ZNF567: variants seen among roughly 807,000 people sequenced by gnomAD.
ZNF567 encodes zinc finger protein 567.
ZNF567 carries 36 observed loss-of-function variants against 53.9 expected under a neutral mutation model. The observed-to-expected ratio is 0.67, with a 90% CI of 0.51 to 0.88. The LOEUF (loss-of-function observed/expected upper bound fraction) is 0.88, where lower values mean the gene tolerates loss of function less well. Ranked by LOEUF, ZNF567 falls within the 40% of genes least tolerant of loss-of-function variation. The pLI is 0.00. For synonymous variants in ZNF567, 224 were observed against 260.4 expected, an observed-to-expected ratio of 0.86 and a Z score of 1.35; for missense variants, 619 against 764.7, an observed-to-expected ratio of 0.81 and a Z score of 2.25.
chr19:36,707,953 T>C (rs1020841953), intron 3 of ZNF567, among the ~76,000 whole-genome samples: 2 of 152,072 alleles, frequency 1.3e-5, no homozygotes, highest in African/African-American at 4.8e-5. Flanking sequence ...TGGAGTGCAG[T>C]GGTACAATCA....
intron 3 of ZNF567, among the ~76,000 whole-genome samples, chr19:36,709,298 A>G (rs1052439707): frequency 8.5e-5 from 13 of 152,214 alleles, no homozygotes; most frequent in Non-Finnish European, 1.8e-4. Context: ...TTTACATATT[A>G]TCTATGGTTG....
intron 3 of ZNF567, among the ~76,000 whole-genome samples, chr19:36,698,974 T>C (rs1157367479): frequency 3.3e-5 from 5 of 152,224 alleles, no homozygotes; most frequent in Non-Finnish European, 4.4e-5. Context: ...GCTTTTGGTG[T>C]TTTAGTCATG....
intron 3 of ZNF567, among the ~76,000 whole-genome samples, chr19:36,706,244 G>A (rs73038134): frequency 1.3e-5 from 2 of 152,078 alleles, no homozygotes; most frequent in East Asian, 1.9e-4. Context: ...GCCTAATCAC[G>A]TATTAAAGGC....
chr19:36,672,573 C>T, the ZNF567 span, among the ~76,000 whole-genome samples: 3 of 152,172 alleles, frequency 2.0e-5, no homozygotes, highest in Non-Finnish European at 4.4e-5. Context: ...GACTTCTGCT[C>T]ACCAAAGCCA....
chr19:36,701,979 G>C (rs959994630), intron 3 of ZNF567, among the ~76,000 whole-genome samples: 5 of 151,114 alleles, frequency 3.3e-5, no homozygotes, highest in Admixed American at 2.0e-4. Flanking sequence ...ATGATAGCTG[G>C]TTATTTTGCT....
intron 5 of ZNF567, among the ~76,000 whole-genome samples, chr19:36,715,506 AATAATTATT>A (rs1260128942): frequency 2.7e-4 from 7 of 25,960 alleles, no homozygotes; most frequent in South Asian, 1.1e-3. Context: ...TAATAATAAT[AATAATTATT>A]ATTATTATTA....
chr19:36,724,045 T>C (rs2040324243), downstream of ZNF567, among the ~76,000 whole-genome samples: 1 of 144,590 alleles, frequency 6.9e-6, no homozygotes, highest in African/African-American at 2.6e-5. Flanking sequence ...TCACTCTTAT[T>C]GCCCAGGCTG....
rs533211556 is a variant in ZNF567, at chr19:36,699,381, C to G, written c.9+4505C>G. On this transcript the variant is annotated intron_variant, in intron 3 of 5. Coordinates refer to ENST00000682579, the MANE Select transcript of ZNF567 (RefSeq NM_001322917.1). ...GATGCCTCCAGCTTTGTTCTTTCGGCTTAGGATTGACTTGGCGATGTGGGC... is the reference window on the plus strand; with the variant it reads ...GATGCCTCCAGCTTTGTTCTTTCGGGTTAGGATTGACTTGGCGATGTGGGC... 2.6e-5 allele frequency among the ~76,000 whole-genome samples: 4 copies of G among 152,238 alleles called. No individual in the cohort carries two copies. The South Asian group carries it at 8.3e-4, about 32-fold the overall frequency.
chr19:36,677,866 G>A, the ZNF567 span, among the ~76,000 whole-genome samples: 1 of 152,132 alleles, frequency 6.6e-6, no homozygotes, highest in Admixed American at 6.5e-5. Context: ...TCTCTTGAGA[G>A]CCTTGGAAGA....
intron 3 of ZNF567, among the ~76,000 whole-genome samples, chr19:36,706,675 TTTTTTG>T (rs1396950183): frequency 1.6e-5 from 2 of 122,406 alleles, no homozygotes; most frequent in Non-Finnish European, 3.5e-5. Flanking sequence ...GTTGGTTTTT[TTTTTTG>T]TTTTTTTTTT....
intron 3 of ZNF567, among the ~76,000 whole-genome samples, chr19:36,699,699 T>C (rs1257467562): frequency 6.6e-6 from 1 of 152,196 alleles, no homozygotes. Context: ...GAATGGGCGT[T>C]CACTCATGAT....
At chr19:36,715,714 A>G (rs549739399) in intron 5 of ZNF567, among the ~76,000 whole-genome samples, 11 of 150,766 alleles carry the variant, frequency 7.3e-5, no homozygotes, top group African/African-American at 2.2e-4. Flanking sequence ...TTTTTAGTAG[A>G]GATGGGGCTT....
downstream of ZNF567, among the ~76,000 whole-genome samples, chr19:36,721,744 C>CT (rs5827963): frequency 5.3e-3 from 537 of 101,468 alleles, 3 homozygotes; most frequent in Non-Finnish European, 6.2e-3. Context: ...TTTTTTTTTT[C>CT]TTTTTTTTTT....
In ZNF567 at chr19:36,719,453, A is replaced by C. The variant is rs566142222; in HGVS notation, c.729A>C (p.Lys243Asn). The C allele has an allele frequency of 6.2e-7, 1 of 1,611,124 alleles. No individual in the cohort carries two copies. Among genetic ancestry groups the C allele is most frequent in the East Asian group, 2.2e-5 (1 of 44,852 alleles). ...KGENPSVYNK[K>N]RRATNIEKKH... ...AAAACCCATCTGTATATAATAAAAAAAGAAGAGCAACCAATATTGAAAAAA... is the reference window on the plus strand; with the variant it reads ...AAAACCCATCTGTATATAATAAAAACAGAAGAGCAACCAATATTGAAAAAA... The change falls in exon 6 of 6, where the codon AAA becomes AAC. Residue 243 changes from lysine (K) to asparagine (N), a missense_variant. Transcript: ENST00000682579.
Position 36,719,337 on chromosome 19 carries a change from A to C in ZNF567, c.613A>C (p.Thr205Pro). 2 of 1,612,186 alleles carry C rather than the reference A, an allele frequency of 1.2e-6. No individual in the cohort carries two copies. The highest frequency in any genetic ancestry group is 1.7e-6 in the Non-Finnish European group (2 of 1,179,562). The change falls in exon 6 of 6, where the codon ACT becomes CCT. Residue 205 changes from threonine (T) to proline (P), a missense_variant. Physicochemically the swap from Thr to Pro is conservative, Grantham distance 38 (BLOSUM62 -1). Coordinates refer to ENST00000682579, the MANE Select transcript of ZNF567 (RefSeq NM_001322917.1). The part of the protein sequence containing the change: ...EVLMQYQKTE[T>P]PAQSFGYNDC... ...TCTTATGCAGTATCAGAAAACGGAA[A>C]CTCCAGCACAGTCATTTGGATATAA...
intron 3 of ZNF567, chr19:36,711,693 A>G (rs1236967911): frequency 6.6e-6 from 1 of 152,218 alleles, no homozygotes; most frequent in Non-Finnish European, 1.5e-5. Flanking sequence ...TACATGCTGT[A>G]TCTTGTACAT....
At chr19:36,724,514 C>T (rs1488231656), downstream of ZNF567, among the ~76,000 whole-genome samples, 1 of 151,670 alleles carries the variant, frequency 6.6e-6, no homozygotes, top group African/African-American at 2.4e-5. Flanking sequence ...GAAACCCCAT[C>T]TCTACTAAAA....
chr19:36,723,413 G>T (rs2040320401), downstream of ZNF567: 1 of 570,196 alleles, frequency 1.8e-6, no homozygotes, highest in Non-Finnish European at 3.1e-6. Flanking sequence ...TACTGTTTCA[G>T]TAGAACATTG....
downstream of ZNF567, chr19:36,723,310 T>G: frequency 1.4e-6 from 1 of 697,164 alleles, no homozygotes; most frequent in Non-Finnish European, 2.6e-6. Context: ...TCCAGACATT[T>G]CAGTGGCTAC....
Sources: allele counts gnomAD v4.1 joint callset (sites outside exome capture counted in the v4.1 genomes callset), GRCh38; gene constraint gnomAD v4.1.1; transcripts MANE v1.5; gene names NCBI Gene and HGNC (gene_info 2026-07-23, HGNC 2026-07-21).